GABRB1: variants seen among roughly 807,000 people sequenced by gnomAD.
GABRB1 encodes the protein gamma-aminobutyric acid type A receptor subunit beta1.
Under a neutral mutation model 51.6 loss-of-function variants are expected in GABRB1, and 17 were observed. That is an observed-to-expected ratio of 0.33 (90% confidence interval 0.23 to 0.49). The LOEUF is 0.49. GABRB1 is among the 20% of genes least tolerant of loss of function. The probability of loss-of-function intolerance (pLI) is 0.99; values close to 1 mark genes in which losing one functional copy is unlikely to be tolerated. For synonymous variants in GABRB1, 247 were observed against 218.9 expected (o/e 1.13, Z -1.14); for missense variants, 410 against 600.6 (o/e 0.68, Z 3.32).
intron 4 of GABRB1, among the ~76,000 whole-genome samples, chr4:47,182,001 G>T (rs1718969384): frequency 6.6e-6 from 1 of 152,120 alleles, no homozygotes; most frequent in South Asian, 2.1e-4. Context: ...CTGCAGTATG[G>T]TGTAGTGTTG....
At chr4:47,262,729 A>G (rs1722489678) in intron 4 of GABRB1, among the ~76,000 whole-genome samples, 1 of 152,178 alleles carries the variant, frequency 6.6e-6, no homozygotes, top group South Asian at 2.1e-4. Context: ...ATGCTGCTAT[A>G]AAGACACATG....
At chr4:47,049,978 A>G (rs980419123) in intron 3 of GABRB1, among the ~76,000 whole-genome samples, 7 of 152,218 alleles carry the variant, frequency 4.6e-5, no homozygotes, top group African/African-American at 1.7e-4. Flanking sequence ...ACTCACTCAT[A>G]TAGATCTTGC....
chr4:47,382,589 C>T (rs1672058433), intron 5 of GABRB1, among the ~76,000 whole-genome samples: 1 of 152,178 alleles, frequency 6.6e-6, no homozygotes, highest in African/African-American at 2.4e-5. Flanking sequence ...AACTTGGAAG[C>T]ATTCAGCCTT....
intron 4 of GABRB1, among the ~76,000 whole-genome samples, chr4:47,283,907 T>C (rs1390540473): frequency 6.6e-6 from 1 of 151,940 alleles, no homozygotes; most frequent in African/African-American, 2.4e-5. Context: ...AGACGGATTG[T>C]CAAGCTTCTC....
At chr4:47,294,884 C>A (rs193212094) in intron 4 of GABRB1, among the ~76,000 whole-genome samples, 2 of 152,176 alleles carry the variant, frequency 1.3e-5, no homozygotes, top group African/African-American at 4.8e-5. Context: ...ACACCTCACA[C>A]GGCCGGGTAC....
intron 3 of GABRB1, among the ~76,000 whole-genome samples, chr4:47,136,660 T>C (rs1716670860): frequency 6.6e-6 from 1 of 152,080 alleles, no homozygotes; most frequent in Non-Finnish European, 1.5e-5. Context: ...TTCACTCTAA[T>C]GATATGGTCT....
chr4:47,032,933 A>T, intron 3 of GABRB1: 1 of 336,772 alleles, frequency 3.0e-6, no homozygotes, highest in African/African-American at 2.2e-5. Flanking sequence ...GGATGCACCA[A>T]GGCCCTGCCA....
chr4:47,308,651 T>C (rs1487851906), intron 4 of GABRB1, among the ~76,000 whole-genome samples: 1 of 152,070 alleles, frequency 6.6e-6, no homozygotes, highest in Admixed American at 6.6e-5. Flanking sequence ...GGCAAAGCAA[T>C]AGAATTGGTT....
intron 4 of GABRB1, among the ~76,000 whole-genome samples, chr4:47,193,930 T>C (rs1719545369): frequency 1.3e-5 from 2 of 152,156 alleles, no homozygotes; most frequent in Admixed American, 1.3e-4. Context: ...CAGCAGCTTC[T>C]TTTTACCTCT....
At chr4:47,324,878 A>G (rs528814883) in intron 5 of GABRB1, among the ~76,000 whole-genome samples, 3 of 152,322 alleles carry the variant, frequency 2.0e-5, no homozygotes, top group African/African-American at 7.2e-5. Context: ...AATTGTTAAC[A>G]GCTCCATTTC....
chr4:47,015,611 T>A (rs1724719556), intron 1 of GABRB1, among the ~76,000 whole-genome samples: 1 of 152,166 alleles, frequency 6.6e-6, no homozygotes, highest in Non-Finnish European at 1.5e-5. Flanking sequence ...TTTACTGAGA[T>A]GCAAAAATGA....
intron 5 of GABRB1, among the ~76,000 whole-genome samples, chr4:47,370,759 G>A (rs1423447243): frequency 6.6e-6 from 1 of 152,118 alleles, no homozygotes; most frequent in Non-Finnish European, 1.5e-5. Flanking sequence ...ACAGTAAGTA[G>A]TTGCCTCTAA....
intron 3 of GABRB1, among the ~76,000 whole-genome samples, chr4:47,053,857 A>G (rs1726467271): frequency 1.3e-5 from 2 of 152,168 alleles, no homozygotes; most frequent in African/African-American, 4.8e-5. Context: ...AGCTAAAATG[A>G]CTGGCCTGAA....
At chr4:47,169,810 A>C (rs1020284306) in intron 4 of GABRB1, among the ~76,000 whole-genome samples, 2 of 152,028 alleles carry the variant, frequency 1.3e-5, no homozygotes, top group Non-Finnish European at 2.9e-5. Context: ...CCTTGAAAGC[A>C]TTTTTAGCCC....
intron 3 of GABRB1, among the ~76,000 whole-genome samples, chr4:47,070,317 T>C (rs1727276463): frequency 6.6e-6 from 1 of 151,824 alleles, no homozygotes; most frequent in Non-Finnish European, 1.5e-5. Flanking sequence ...ATTACAGGCG[T>C]AAGCCACCGT....
chr4:47,181,471 A>G (rs919230483), intron 4 of GABRB1, among the ~76,000 whole-genome samples: 2 of 152,058 alleles, frequency 1.3e-5, no homozygotes, highest in Non-Finnish European at 2.9e-5. Flanking sequence ...TCAGATGGCA[A>G]TAGAGCGAAG....
intron 5 of GABRB1, among the ~76,000 whole-genome samples, chr4:47,351,442 G>A (rs1009375510): frequency 6.6e-6 from 1 of 151,938 alleles, no homozygotes; most frequent in East Asian, 1.9e-4. Flanking sequence ...AAGTTTTAGG[G>A]TACATGTGCA....
intron 4 of GABRB1, among the ~76,000 whole-genome samples, chr4:47,266,639 G>A (rs1458176115): frequency 1.3e-5 from 2 of 152,204 alleles, no homozygotes; most frequent in African/African-American, 4.8e-5. Flanking sequence ...GGTCTGAAAA[G>A]ATATTCAATA....
At chr4:47,261,111 C>T (rs550669325) in intron 4 of GABRB1, among the ~76,000 whole-genome samples, 1 of 152,290 alleles carries the variant, frequency 6.6e-6, no homozygotes, top group South Asian at 2.1e-4. Flanking sequence ...TGGGCAAAAA[C>T]TGGACGCATT....
Sources: gnomAD v4.1 joint callset for allele counts (sites outside exome capture counted in the v4.1 genomes callset) on GRCh38, gnomAD v4.1.1 for gene constraint, MANE v1.5 for transcripts, NCBI Gene and HGNC (gene_info 2026-07-23, HGNC 2026-07-21) for gene names.